Variants in FMN1 observed in about 807,000 individuals in gnomAD.
The protein encoded by FMN1 is formin 1, also known as formin-1.
Under a neutral mutation model 132.4 loss-of-function variants are expected in FMN1, and 110 were observed. The ratio of observed to expected loss-of-function variants is 0.83; its 90% CI spans 0.71 to 0.97. The LOEUF (loss-of-function observed/expected upper bound fraction) is 0.97, where lower values mean the gene tolerates loss of function less well. Among genes scored for constraint, FMN1 ranks in the 50% least tolerant of loss-of-function variants. FMN1 has a pLI of 0.00. For synonymous variants in FMN1, 722 were observed against 651.7 expected (o/e 1.11, Z -1.64); for missense variants, 1,792 against 1,705.3 (o/e 1.05, Z -0.90).
chr15:33,124,342 T>A (rs569830389), intron 4 of FMN1, among the ~76,000 whole-genome samples: 1 of 152,222 alleles, frequency 6.6e-6, no homozygotes, highest in Non-Finnish European at 1.5e-5. Flanking sequence ...TGTGCTGTTA[T>A]AGCCTCTCCG....
At chr15:32,957,745 ATTATAC>A (rs961304760) in intron 9 of FMN1, among the ~76,000 whole-genome samples, 1 of 152,240 alleles carries the variant, frequency 6.6e-6, no homozygotes, top group African/African-American at 2.4e-5. Context: ...ATAATTTCAT[ATTATAC>A]TTATAATAAC....
chr15:32,929,905 A>G (rs1238917957), intron 9 of FMN1, among the ~76,000 whole-genome samples: 1 of 151,876 alleles, frequency 6.6e-6, no homozygotes, highest in Non-Finnish European at 1.5e-5. Context: ...ATATCTTTTC[A>G]ATACAGTGAC....
At chr15:32,911,875 A>C (rs562798884) in intron 10 of FMN1, among the ~76,000 whole-genome samples, 1 of 152,312 alleles carries the variant, frequency 6.6e-6, no homozygotes, top group African/African-American at 2.4e-5. Flanking sequence ...GACAGAAAGA[A>C]AGGATTTGTC....
rs549440825 is a variant in FMN1, at chr15:33,119,645, C to T, written c.1868-30671G>A. On this transcript the variant is annotated intron_variant, in intron 4 of 20. Transcript: ENST00000616417. ...CTCTTTCAAGGGATAGAAGTGATCA[C>T]TCTGTTTTACAAAAGATGTTTTCAG... Among the ~76,000 whole-genome samples the T allele has an allele frequency of 3.3e-5, 5 of 152,334 alleles. No individual in the cohort carries two copies. The South Asian group carries it at 1.0e-3, about 32-fold the overall frequency.
chr15:32,905,802 T>A (rs1044779006), intron 12 of FMN1, among the ~76,000 whole-genome samples: 1 of 152,176 alleles, frequency 6.6e-6, no homozygotes, highest in African/African-American at 2.4e-5. Context: ...GGCAAATAAG[T>A]TGCCAGAGAA....
intron 17 of FMN1, among the ~76,000 whole-genome samples, chr15:32,809,946 G>T (rs1479215089): frequency 6.6e-6 from 1 of 151,876 alleles, no homozygotes; most frequent in Admixed American, 6.6e-5. Context: ...TTGAGACAGG[G>T]TCTTGTTCTT....
chr15:32,996,657 T>C (rs2033788430), intron 7 of FMN1, among the ~76,000 whole-genome samples: 1 of 152,202 alleles, frequency 6.6e-6, no homozygotes, highest in South Asian at 2.1e-4. Context: ...ATTATTGTTA[T>C]TCCTCCAGGA....
At chr15:33,073,321 A>G (rs2038069949) in intron 5 of FMN1, among the ~76,000 whole-genome samples, 1 of 152,246 alleles carries the variant, frequency 6.6e-6, no homozygotes, top group African/African-American at 2.4e-5. Flanking sequence ...AATTGCTTCT[A>G]GCTTCCCAAA....
chr15:33,039,801 T>C (rs759472619), intron 6 of FMN1, among the ~76,000 whole-genome samples: 2 of 152,210 alleles, frequency 1.3e-5, no homozygotes, highest in Non-Finnish European at 2.9e-5. Context: ...AGATTTTGAA[T>C]GTATCTGTTC....
intron 17 of FMN1, among the ~76,000 whole-genome samples, chr15:32,841,673 C>T (rs1403258425): frequency 1.3e-5 from 2 of 152,016 alleles, no homozygotes; most frequent in Admixed American, 6.5e-5. Flanking sequence ...GAACTGGGTT[C>T]GTGAGGCTAG....
intron 18 of FMN1, among the ~76,000 whole-genome samples, chr15:32,799,794 C>G (rs982188463): frequency 2.0e-5 from 3 of 152,194 alleles, no homozygotes; most frequent in African/African-American, 7.2e-5. Flanking sequence ...CAATTTACAG[C>G]TTTGAACTCA....
intron 7 of FMN1, among the ~76,000 whole-genome samples, chr15:32,976,149 A>C (rs1194790596): frequency 1.3e-5 from 2 of 152,154 alleles, no homozygotes; most frequent in Non-Finnish European, 2.9e-5. Context: ...TCTGCTGTAC[A>C]ACTTAAGTCA....
chr15:33,073,967 G>C (rs757213910), intron 5 of FMN1, among the ~76,000 whole-genome samples: 53 of 152,184 alleles, frequency 3.5e-4, no homozygotes, highest in Non-Finnish European at 5.9e-4. Context: ...CTGGCTTCAA[G>C]TAATCTGCCC....
intron 4 of FMN1, among the ~76,000 whole-genome samples, chr15:33,128,170 A>AAAGC (rs1246752178): frequency 1.4e-5 from 2 of 144,814 alleles, no homozygotes; most frequent in Admixed American, 1.3e-4. Flanking sequence ...ATGGAGAAAT[A>AAAGC]AAGCAAGCAA....
At chr15:33,071,715 G>A (rs939666661) in intron 5 of FMN1, among the ~76,000 whole-genome samples, 2 of 152,096 alleles carry the variant, frequency 1.3e-5, no homozygotes, top group African/African-American at 2.4e-5. Context: ...CTTTTAACAC[G>A]GACTCTTTCA....
intron 9 of FMN1, among the ~76,000 whole-genome samples, chr15:32,950,032 TACACATATATATATATATACAC>T (rs1567449456): frequency 0.021 from 91 of 4,398 alleles, 2 homozygotes; most frequent in African/African-American, 0.035. Context: ...TATATATATA[TACACATATATATATATATACAC>T]ATATATATAT....
chr15:33,178,120 C>T (rs918275644), intron 3 of FMN1, among the ~76,000 whole-genome samples: 3 of 152,088 alleles, frequency 2.0e-5, no homozygotes, highest in Non-Finnish European at 4.4e-5. Flanking sequence ...AAATAAGTAA[C>T]AGCACTGAAT....
intron 5 of FMN1, chr15:33,068,041 G>A (rs886459910): frequency 9.8e-6 from 14 of 1,433,756 alleles, no homozygotes; most frequent in African/African-American, 4.3e-5. Context: ...GGTCTCTTTC[G>A]GGTCACAGTG....
chr15:33,154,327 G>A lies in FMN1; in HGVS notation c.588C>T (p.Ile196=). Residue 196 remains isoleucine (I), a synonymous_variant, in exon 4 of 21, where the codon ATC becomes ATT. Coordinates refer to ENST00000616417, the MANE Select transcript of FMN1 (RefSeq NM_001277313.2). ...AAAGAGGAAGGGAGTGGCTGGAACA[G>A]ATCTTGTCCTTGCCCATCAGAGGAG... ...ESAPLMGKDK[I]CSSHSLPLSR... The A allele has an allele frequency of 6.5e-7, 1 of 1,536,156 alleles. No individual in the cohort carries two copies. The highest frequency in any genetic ancestry group is 8.7e-7 in the Non-Finnish European group (1 of 1,146,914).
Sources: gnomAD v4.1 joint callset for allele counts (sites outside exome capture counted in the v4.1 genomes callset) on GRCh38, gnomAD v4.1.1 for gene constraint, MANE v1.5 for transcripts, NCBI Gene and HGNC (gene_info 2026-07-23, HGNC 2026-07-21) for gene names.